The following GRM8 variants were observed in gnomAD, a reference collection of about 807,000 sequenced individuals.
GRM8 encodes the protein glutamate metabotropic receptor 8, also known as metabotropic glutamate receptor 8.
In GRM8, 47 loss-of-function variants were observed where a neutral mutation model predicts 87.2. That is an observed-to-expected ratio of 0.54 (90% confidence interval 0.43 to 0.69). GRM8 has a LOEUF of 0.69. Among genes scored for constraint, GRM8 ranks in the 30% least tolerant of loss-of-function variants. GRM8 has a pLI of 0.00. For missense variants in GRM8, 1,019 were observed against 1,139.2 expected, an observed-to-expected ratio of 0.89 and a Z score of 1.52; for synonymous variants, 396 against 404.5, an observed-to-expected ratio of 0.98 and a Z score of 0.25.
intron 8 of GRM8, among the ~76,000 whole-genome samples, chr7:126,553,161 T>C (rs1302109046): frequency 6.6e-6 from 1 of 152,154 alleles, no homozygotes; most frequent in Non-Finnish European, 1.5e-5. Flanking sequence ...AAATGTGATG[T>C]ATCCCCTACT....
At chr7:126,955,662 G>A (rs1178723102) in intron 3 of GRM8, among the ~76,000 whole-genome samples, 1 of 152,006 alleles carries the variant, frequency 6.6e-6, no homozygotes, top group Non-Finnish European at 1.5e-5. Flanking sequence ...AATTATTCCT[G>A]TCAATTCAAA....
At chr7:126,669,464 ACTTTAAT>A (rs1202527400) in intron 7 of GRM8, among the ~76,000 whole-genome samples, 2 of 152,218 alleles carry the variant, frequency 1.3e-5, no homozygotes, top group African/African-American at 2.4e-5. Context: ...AGTTCATGTG[ACTTTAAT>A]CTTTAAGAAA....
chr7:126,531,897 C>T (rs571058502), intron 9 of GRM8, among the ~76,000 whole-genome samples: 20 of 152,264 alleles, frequency 1.3e-4, no homozygotes, highest in Admixed American at 1.2e-3. Flanking sequence ...AATGTAATTA[C>T]CCCATGACGT....
intron 6 of GRM8, among the ~76,000 whole-genome samples, chr7:126,848,985 A>G (rs924081066): frequency 6.6e-6 from 1 of 152,174 alleles, no homozygotes; most frequent in East Asian, 1.9e-4. Context: ...AAGCAGGCAC[A>G]GAGAGAGAAC....
intron 9 of GRM8, among the ~76,000 whole-genome samples, chr7:126,459,209 A>G (rs977121596): frequency 2.6e-5 from 4 of 151,576 alleles, no homozygotes; most frequent in African/African-American, 9.7e-5. Flanking sequence ...GCATAACTTT[A>G]CACCAATAAA....
intron 2 of GRM8, among the ~76,000 whole-genome samples, chr7:127,197,919 C>G (rs938200035): frequency 6.6e-6 from 1 of 151,956 alleles, no homozygotes; most frequent in African/African-American, 2.4e-5. Flanking sequence ...TTTAGCAAAA[C>G]GTATTTGAAA....
intron 2 of GRM8, among the ~76,000 whole-genome samples, chr7:127,131,533 C>T (rs1487144608): frequency 6.6e-6 from 1 of 152,216 alleles, no homozygotes; most frequent in East Asian, 1.9e-4. Context: ...GGGCCAGGGA[C>T]TGTCAGATAA....
intron 3 of GRM8, among the ~76,000 whole-genome samples, chr7:127,068,744 A>G (rs2132657030): frequency 6.6e-6 from 1 of 152,332 alleles, no homozygotes; most frequent in Non-Finnish European, 1.5e-5. Context: ...CTTGGAGTAG[A>G]GATGATTACA....
At chr7:127,153,961 G>T (rs1206077068) in intron 2 of GRM8, among the ~76,000 whole-genome samples, 2 of 152,100 alleles carry the variant, frequency 1.3e-5, no homozygotes, top group African/African-American at 4.8e-5. Flanking sequence ...CTGAGGAGAG[G>T]TACAAGTGAG....
chr7:126,733,469 GA>G (rs1422168594), intron 7 of GRM8, among the ~76,000 whole-genome samples: 7 of 145,354 alleles, frequency 4.8e-5, no homozygotes, highest in African/African-American at 7.5e-5. Flanking sequence ...AAAAAAAGAG[GA>G]AAAAAAAATA....
chr7:126,829,149 G>C (rs1226580974), intron 6 of GRM8, among the ~76,000 whole-genome samples: 1 of 150,494 alleles, frequency 6.6e-6, no homozygotes, highest in Non-Finnish European at 1.5e-5. Flanking sequence ...GAATAGGTGT[G>C]GTGTGATGCT....
rs147441839 is a variant in GRM8 at position 126,688,633 on chromosome 7, G to C, written c.1358-79135C>G. ...AGATAGAAGGCAAAAAATACCAGAA[G>C]TTTGGCAAGTATTATAGGAAATAGA... On this transcript the variant is annotated intron_variant, in intron 7 of 10. Coordinates refer to ENST00000339582, the MANE Select transcript of GRM8 (RefSeq NM_000845.3). Among the ~76,000 whole-genome samples, 4 of 152,170 alleles carry C rather than the reference G, an allele frequency of 2.6e-5. No individual in the cohort carries two copies. The East Asian group carries it at 7.7e-4, about 29-fold the overall frequency.
chr7:126,549,798 AC>A (rs1192621012), intron 8 of GRM8, among the ~76,000 whole-genome samples: 2 of 152,194 alleles, frequency 1.3e-5, no homozygotes, highest in African/African-American at 4.8e-5. Context: ...ACAAATTCAA[AC>A]TTGAGAAGTC....
chr7:126,666,744 T>G (rs968284347), intron 7 of GRM8, among the ~76,000 whole-genome samples: 2 of 152,178 alleles, frequency 1.3e-5, no homozygotes, highest in African/African-American at 4.8e-5. Flanking sequence ...ATCCCTTATC[T>G]GCAGTTTTAA....
chr7:126,715,910 T>G lies in GRM8; in HGVS notation c.1357+53955A>C, dbSNP rs1001585583. On this transcript the variant is annotated intron_variant, in intron 7 of 10. Transcript: ENST00000339582. ...ATAATTCCAACCAAAACTGATTTTA[T>G]TTTTTCTGACCACCATGATAGGTTA... is the stretch of plus-strand genomic sequence containing the variant. 3.9e-4 allele frequency among the ~76,000 whole-genome samples: 59 copies of G among 152,222 alleles called. 2 individuals are homozygous for G. The highest frequency in any genetic ancestry group is 4.4e-5 in the Non-Finnish European group (3 of 68,034).
chr7:126,459,067 A>C (rs1424934808), intron 9 of GRM8, among the ~76,000 whole-genome samples: 2 of 151,254 alleles, frequency 1.3e-5, no homozygotes, highest in African/African-American at 4.8e-5. Context: ...AAAAGAAGAA[A>C]GCGATAAGAC....
intron 8 of GRM8, among the ~76,000 whole-genome samples, chr7:126,580,967 G>GA (rs35753053): frequency 0.31 from 46,578 of 150,250 alleles, 8,021 homozygotes; most frequent in East Asian, 0.44. Flanking sequence ...TAAAAAAATA[G>GA]AAAAAAAAAC....
At chr7:126,563,945 T>C (rs1793964058) in intron 8 of GRM8, among the ~76,000 whole-genome samples, 1 of 152,208 alleles carries the variant, frequency 6.6e-6, no homozygotes, top group South Asian at 2.1e-4. Flanking sequence ...TCTGGAGAAC[T>C]CTAAACCAGT....
chr7:126,750,324 A>T (rs1816274027), intron 7 of GRM8, among the ~76,000 whole-genome samples: 1 of 152,136 alleles, frequency 6.6e-6, no homozygotes, highest in South Asian at 2.1e-4. Context: ...GATTCAGGAC[A>T]TGACACTGCA....
Sources: gnomAD v4.1 joint callset for allele counts (sites outside exome capture counted in the v4.1 genomes callset) on GRCh38, gnomAD v4.1.1 for gene constraint, MANE v1.5 for transcripts, NCBI Gene and HGNC (gene_info 2026-07-23, HGNC 2026-07-21) for gene names.